ENPP3: variants seen among roughly 807,000 people sequenced by gnomAD.
ENPP3 encodes ectonucleotide pyrophosphatase/phosphodiesterase family member 3.
A neutral mutation model predicts 117.8 loss-of-function variants in ENPP3; 104 were observed. The ratio of observed to expected loss-of-function variants is 0.88; its 90% CI spans 0.75 to 1.04. The LOEUF is 1.04. Among genes scored for constraint, ENPP3 ranks in the 50% least tolerant of loss-of-function variants. The pLI is 0.00. For synonymous variants in ENPP3, 380 were observed against 349.9 expected (o/e 1.09, Z -0.96); for missense variants, 1,026 against 1,051.9 (o/e 0.98, Z 0.34).
rs187326514 is a variant in ENPP3 at position 131,720,041 on chromosome 6, A to G, written c.1480-251A>G. ...GCCATTGTTTGTATTCTCCTACTTT[A>G]TTGGCACATGAGGTGCTATGGAGGT... On this transcript the variant is annotated intron_variant, in intron 16 of 24. Transcript: ENST00000357639. Among the ~76,000 whole-genome samples the G allele has an allele frequency of 3.3e-5, 5 of 152,268 alleles. No homozygotes were observed. The East Asian group carries it at 9.6e-4, about 29-fold the overall frequency.
At chr6:131,671,002 A>G (rs574127139) in intron 6 of ENPP3, among the ~76,000 whole-genome samples, 4 of 152,252 alleles carry the variant, frequency 2.6e-5, no homozygotes, top group South Asian at 4.2e-4. Flanking sequence ...AAAGCCCAAC[A>G]TGTGTATCAC....
rs185050451 is a variant in ENPP3 at position 131,688,876 on chromosome 6, A to T, written c.1284+2969A>T. ...AAACCAGCCTGGCCAACATGGTGAA[A>T]CCCGTCTCTACTAAAAATCCAAAAA... On this transcript the variant is annotated intron_variant, in intron 14 of 24. Coordinates refer to ENST00000357639, the MANE Select transcript of ENPP3 (RefSeq NM_005021.5). Among the ~76,000 whole-genome samples the T allele has an allele frequency of 5.4e-3, 771 of 142,782 alleles. 4 individuals carry two copies. Among genetic ancestry groups the T allele is most frequent in the African/African-American group, 0.017 (649 of 37,854 alleles). 93.7% of individuals were successfully genotyped at this position (142,782 alleles called of 152,430 possible). A position where few individuals can be genotyped will look rare whatever the true frequency, so the allele number is the denominator to read the frequency against.
chr6:131,662,887 A>T (rs749368844), intron 6 of ENPP3, among the ~76,000 whole-genome samples: 15 of 152,104 alleles, frequency 9.9e-5, no homozygotes, highest in South Asian at 2.1e-4. Flanking sequence ...TATAGTTTTC[A>T]TATACAAGTC....
intron 1 of ENPP3, among the ~76,000 whole-genome samples, chr6:131,639,345 C>T (rs568732129): frequency 4.6e-4 from 67 of 145,196 alleles, no homozygotes; most frequent in Middle Eastern, 3.8e-3. Flanking sequence ...GTGGCATGAT[C>T]ATGGCTTGCT....
chr6:131,639,409 C>G (rs555587266), intron 1 of ENPP3, among the ~76,000 whole-genome samples: 1 of 151,354 alleles, frequency 6.6e-6, no homozygotes, highest in African/African-American at 2.4e-5. Context: ...CTCAGCCTCC[C>G]GAGTAGCTGG....
intron 15 of ENPP3, among the ~76,000 whole-genome samples, chr6:131,708,439 GATTCAT>G (rs1354218426): frequency 1.3e-5 from 2 of 152,216 alleles, no homozygotes; most frequent in Non-Finnish European, 2.9e-5. Context: ...TTACTCATAA[GATTCAT>G]ATTCAAACCA....
At chr6:131,701,842 A>G (rs1301547113) in intron 15 of ENPP3, among the ~76,000 whole-genome samples, 1 of 150,718 alleles carries the variant, frequency 6.6e-6, no homozygotes, top group African/African-American at 2.5e-5. Context: ...AGATCGCAAC[A>G]CTGCACTCCA....
intron 20 of ENPP3, among the ~76,000 whole-genome samples, chr6:131,726,877 A>G (rs1272065511): frequency 6.6e-6 from 1 of 152,200 alleles, no homozygotes; most frequent in Non-Finnish European, 1.5e-5. Flanking sequence ...ACCACACACA[A>G]AATTAAATTT....
intron 1 of ENPP3, among the ~76,000 whole-genome samples, chr6:131,639,690 G>A (rs563131144): frequency 1.3e-5 from 2 of 152,274 alleles, no homozygotes; most frequent in South Asian, 4.1e-4. Flanking sequence ...GCCAAATGAT[G>A]TGCTCTCAGC....
At chr6:131,714,649 C>T (rs1168401467) in intron 15 of ENPP3, among the ~76,000 whole-genome samples, 2 of 128,068 alleles carry the variant, frequency 1.6e-5, no homozygotes, top group Non-Finnish European at 3.0e-5. Flanking sequence ...ATTCATCTCA[C>T]AGTTAGTCTT....
chr6:131,741,672 A>G (rs1400229964), intron 24 of ENPP3, among the ~76,000 whole-genome samples: 1 of 152,180 alleles, frequency 6.6e-6, no homozygotes, highest in African/African-American at 2.4e-5. Context: ...TCAAAGATGA[A>G]TCAGATTTGA....
intron 21 of ENPP3, among the ~76,000 whole-genome samples, chr6:131,734,772 C>T (rs1409840407): frequency 3.3e-5 from 5 of 151,522 alleles, no homozygotes; most frequent in Non-Finnish European, 7.4e-5. Flanking sequence ...TTTGCTGGTG[C>T]GCACCTGTAA....
chr6:131,684,315 T>A (rs1779101028), intron 12 of ENPP3, among the ~76,000 whole-genome samples: 1 of 152,252 alleles, frequency 6.6e-6, no homozygotes. Flanking sequence ...TCTAACACTT[T>A]GCCTTATTGT....
chr6:131,666,765 C>A (rs1778624494), intron 6 of ENPP3, among the ~76,000 whole-genome samples: 1 of 152,142 alleles, frequency 6.6e-6, no homozygotes. Context: ...AACATATTTC[C>A]CCATTTACTC....
At chr6:131,639,396 C>A (rs922369059) in intron 1 of ENPP3, among the ~76,000 whole-genome samples, 1 of 151,262 alleles carries the variant, frequency 6.6e-6, no homozygotes, top group Non-Finnish European at 1.5e-5. Context: ...ATGATCTTCC[C>A]ATCTCAGCCT....
rs1778719956 is a variant in ENPP3 at position 131,670,663 on chromosome 6, T to G, written c.563-585T>G. On this transcript the variant is annotated intron_variant, in intron 6 of 24. Transcript: ENST00000357639. ...GCATGCCACCATGCCCAGCTAATTT[T>G]TAATTTTTATACAGAAATGGGGTTT... Among the ~76,000 whole-genome samples, 3 of 152,166 alleles carry G rather than the reference T, an allele frequency of 2.0e-5. No homozygotes were observed. In the South Asian group the frequency reaches 6.2e-4, roughly 32 times the overall value.
In ENPP3 at chr6:131,722,210, AT is replaced by A; in HGVS notation, c.1568-11del. 6.2e-7 allele frequency: 1 copy of A among 1,600,644 alleles called. No individual in the cohort carries two copies. The highest frequency in any genetic ancestry group is 2.2e-5 in the East Asian group (1 of 44,786). ...TCCAGTGTAAAGCTACTTTGAACTA[AT>A]TTTTTCAAAAAACAGATCTTCTACG... is the stretch of plus-strand genomic sequence containing the variant. On this transcript the variant is annotated splice_polypyrimidine_tract_variant and intron_variant, in intron 17 of 24. Coordinates refer to ENST00000357639, the MANE Select transcript of ENPP3 (RefSeq NM_005021.5).
chr6:131,667,864 C>A (rs1466933294), intron 6 of ENPP3, among the ~76,000 whole-genome samples: 1 of 152,238 alleles, frequency 6.6e-6, no homozygotes, highest in African/African-American at 2.4e-5. Flanking sequence ...TAACATCACT[C>A]CTCTTTGCTC....
intron 1 of ENPP3, among the ~76,000 whole-genome samples, chr6:131,640,726 T>C (rs1181489907): frequency 6.6e-6 from 1 of 152,214 alleles, no homozygotes; most frequent in Non-Finnish European, 1.5e-5. Flanking sequence ...ATTCAAGCCC[T>C]GTCATCCAGC....
Sources: gnomAD v4.1 joint callset for allele counts (sites outside exome capture counted in the v4.1 genomes callset) on GRCh38, gnomAD v4.1.1 for gene constraint, MANE v1.5 for transcripts, NCBI Gene and HGNC (gene_info 2026-07-23, HGNC 2026-07-21) for gene names.